The following LRMDA variants were observed in gnomAD, a reference collection of about 807,000 sequenced individuals.
LRMDA encodes the protein leucine rich melanocyte differentiation associated.
LRMDA carries 18 observed loss-of-function variants against 29.8 expected under a neutral mutation model. The ratio of observed to expected loss-of-function variants is 0.60; its 90% CI spans 0.42 to 0.90. The LOEUF is 0.90. Among genes scored for constraint, LRMDA ranks in the 40% least tolerant of loss-of-function variants. The pLI is 0.00. For synonymous variants in LRMDA, 125 were observed against 109.4 expected, an observed-to-expected ratio of 1.14 and a Z score of -0.89; for missense variants, 273 against 273.9, an observed-to-expected ratio of 1.00 and a Z score of 0.02.
chr10:76,003,160 G>A (rs191060734), intron 2 of LRMDA, among the ~76,000 whole-genome samples: 10 of 152,192 alleles, frequency 6.6e-5, no homozygotes, highest in Middle Eastern at 6.8e-3. Flanking sequence ...AACAGGGAGC[G>A]CCACCCCTGG....
intron 4 of LRMDA, among the ~76,000 whole-genome samples, chr10:76,050,229 C>T (rs1460638829): frequency 2.6e-5 from 4 of 152,140 alleles, no homozygotes; most frequent in African/African-American, 7.2e-5. Flanking sequence ...GGAAGTGACT[C>T]GATTTATGTA....
intron 2 of LRMDA, among the ~76,000 whole-genome samples, chr10:75,542,290 T>G (rs1840028010): frequency 6.6e-6 from 1 of 152,108 alleles, no homozygotes; most frequent in African/African-American, 2.4e-5. Context: ...TTTTTTTTTT[T>G]GGTTTTTCCC....
intron 5 of LRMDA, among the ~76,000 whole-genome samples, chr10:76,186,863 T>C (rs1347191292): frequency 6.6e-6 from 1 of 152,230 alleles, no homozygotes; most frequent in African/African-American, 2.4e-5. Flanking sequence ...ATTAACTGAA[T>C]TTCAGCTCAC....
At chr10:75,627,860 C>T (rs1841271584) in intron 2 of LRMDA, among the ~76,000 whole-genome samples, 1 of 152,188 alleles carries the variant, frequency 6.6e-6, no homozygotes, top group Non-Finnish European at 1.5e-5. Flanking sequence ...ACAGTAAAGG[C>T]TTTGTAAATA....
At chr10:76,150,317 G>GT (rs1475249248) in intron 5 of LRMDA, among the ~76,000 whole-genome samples, 1 of 152,182 alleles carries the variant, frequency 6.6e-6, no homozygotes, top group Non-Finnish European at 1.5e-5. Context: ...CATCTGCTTT[G>GT]TTTGACATCC....
At chr10:75,896,797 A>G (rs1845589698) in intron 2 of LRMDA, among the ~76,000 whole-genome samples, 2 of 150,044 alleles carry the variant, frequency 1.3e-5, no homozygotes, top group South Asian at 4.2e-4. Flanking sequence ...ACCTTGTTCC[A>G]CAAGGGACTG....
intron 6 of LRMDA, among the ~76,000 whole-genome samples, chr10:76,492,615 G>A (rs970880616): frequency 3.9e-5 from 6 of 151,940 alleles, no homozygotes; most frequent in East Asian, 1.9e-4. Flanking sequence ...GTATTAATTC[G>A]TTTTCATACT....
At chr10:75,607,767 A>G (rs1165416840) in intron 2 of LRMDA, among the ~76,000 whole-genome samples, 1 of 151,102 alleles carries the variant, frequency 6.6e-6, no homozygotes, top group Non-Finnish European at 1.5e-5. Flanking sequence ...GAACCACCCA[A>G]GGAACTTTAA....
At chr10:75,679,919 C>T (rs1842004095) in intron 2 of LRMDA, among the ~76,000 whole-genome samples, 1 of 151,980 alleles carries the variant, frequency 6.6e-6, no homozygotes, top group African/African-American at 2.4e-5. Flanking sequence ...AAAAAAAAAC[C>T]CTTAAATTAT....
chr10:75,472,033 CTT>C (rs1051233432), intron 2 of LRMDA, among the ~76,000 whole-genome samples: 2 of 152,156 alleles, frequency 1.3e-5, no homozygotes, highest in African/African-American at 4.8e-5. Context: ...TGCCAGGTCT[CTT>C]TTTACCCACC....
At chr10:75,865,589 C>T (rs1285751564) in intron 2 of LRMDA, among the ~76,000 whole-genome samples, 4 of 152,172 alleles carry the variant, frequency 2.6e-5, no homozygotes, top group African/African-American at 9.7e-5. Context: ...ACCAGTTCTT[C>T]TGAATCACTG....
At chr10:75,625,488 G>A (rs538101783) in intron 2 of LRMDA, among the ~76,000 whole-genome samples, 2 of 152,292 alleles carry the variant, frequency 1.3e-5, no homozygotes, top group South Asian at 4.2e-4. Flanking sequence ...GAGTAGATCA[G>A]GGTAGGGTGG....
At chr10:75,636,053 C>T (rs1315517318) in intron 2 of LRMDA, among the ~76,000 whole-genome samples, 3 of 152,164 alleles carry the variant, frequency 2.0e-5, no homozygotes, top group Admixed American at 6.5e-5. Context: ...TAGTATATTT[C>T]TATTGATTAA....
chr10:75,841,096 C>T (rs1274155322), intron 2 of LRMDA, among the ~76,000 whole-genome samples: 1 of 152,148 alleles, frequency 6.6e-6, no homozygotes, highest in African/African-American at 2.4e-5. Context: ...GACCAGAGTG[C>T]CAGGCATTCA....
intron 2 of LRMDA, among the ~76,000 whole-genome samples, chr10:75,994,670 C>T (rs1302200409): frequency 2.6e-5 from 4 of 152,226 alleles, no homozygotes; most frequent in Non-Finnish European, 4.4e-5. Context: ...TTCCCCTCTT[C>T]AGGGCTGTTC....
intron 6 of LRMDA, among the ~76,000 whole-genome samples, chr10:76,512,022 T>G (rs1440697603): frequency 2.0e-5 from 3 of 152,200 alleles, no homozygotes; most frequent in Admixed American, 1.3e-4. Flanking sequence ...TTCCCATATG[T>G]TATGGGAGGG....
chr10:76,219,002 T>C (rs1213286755), intron 5 of LRMDA, among the ~76,000 whole-genome samples: 2 of 152,074 alleles, frequency 1.3e-5, no homozygotes, highest in South Asian at 2.1e-4. Flanking sequence ...ACTAGGAATG[T>C]TGGGAGGAAC....
intron 5 of LRMDA, among the ~76,000 whole-genome samples, chr10:76,277,495 G>A (rs1177429481): frequency 6.6e-6 from 1 of 152,118 alleles, no homozygotes; most frequent in Non-Finnish European, 1.5e-5. Context: ...TTACTAAGTT[G>A]TTTTATAGCA....
chr10:76,291,961 T>C (rs956337796), intron 5 of LRMDA, among the ~76,000 whole-genome samples: 3 of 151,816 alleles, frequency 2.0e-5, no homozygotes, highest in African/African-American at 4.8e-5. Flanking sequence ...CACAAATTCT[T>C]GTCCCTGGAT....
Sources: gnomAD v4.1 joint callset for allele counts (sites outside exome capture counted in the v4.1 genomes callset) on GRCh38, gnomAD v4.1.1 for gene constraint, MANE v1.5 for transcripts, NCBI Gene and HGNC (gene_info 2026-07-23, HGNC 2026-07-21) for gene names.